The following STXBP2 variants were observed in gnomAD, a reference collection of about 807,000 sequenced individuals.
STXBP2 encodes the protein syntaxin-binding protein 2.
STXBP2 carries 47 observed loss-of-function variants against 72.2 expected under a neutral mutation model. That is an observed-to-expected ratio of 0.65 (90% confidence interval 0.51 to 0.83). The LOEUF is 0.83. Among genes scored for constraint, STXBP2 ranks in the 40% least tolerant of loss-of-function variants. STXBP2 has a pLI of 0.00. For missense variants in STXBP2, 702 were observed against 807.6 expected, an observed-to-expected ratio of 0.87 and a Z score of 1.58; for synonymous variants, 367 against 338.7, an observed-to-expected ratio of 1.08 and a Z score of -0.92.
At chr19:7,630,160 C>T in the STXBP2 span, 1 of 469,548 alleles carries the variant, frequency 2.1e-6, no homozygotes, top group Non-Finnish European at 3.8e-6. Flanking sequence ...TGGGGGAGCT[C>T]TCGGGCTCGT....
chr19:7,637,960 G>A (rs143756757), intron 1 of STXBP2, among the ~76,000 whole-genome samples: 7 of 152,246 alleles, frequency 4.6e-5, no homozygotes, highest in Admixed American at 1.3e-4. Flanking sequence ...AACTGAGACC[G>A]GAGGTCAGTG....
chr19:7,638,906 C>T, intron 2 of STXBP2, 113 bp from the exon 3 acceptor site: 2 of 1,559,192 alleles, frequency 1.3e-6, no homozygotes, highest in Non-Finnish European at 1.8e-6. Flanking sequence ...GTTCTGGGTC[C>T]TCCCACCCAG....
intron 1 of STXBP2, 52 bp downstream of exon 1, chr19:7,637,238 G>A (rs1362275063): frequency 9.7e-6 from 12 of 1,233,422 alleles, no homozygotes; most frequent in East Asian, 3.2e-5. Flanking sequence ...GACGGGGGTC[G>A]GGGACGCACG....
At chr19:7,637,106 C>T, upstream of STXBP2, 1 of 1,237,650 alleles carries the variant, frequency 8.1e-7, no homozygotes, top group Non-Finnish European at 1.0e-6. Flanking sequence ...CACGCCCCCA[C>T]CTTGGGACAC....
At chr19:7,647,659 C>G in intron 18 of STXBP2, 66 bp from the exon 19 acceptor site, 1 of 1,603,396 alleles carries the variant, frequency 6.2e-7, no homozygotes, top group Admixed American at 1.7e-5. Flanking sequence ...CAGCCGGGAC[C>G]GGGAGCCTGT....
chr19:7,631,409 T>TGGGGGGGGGGGGGGGGGGG, the STXBP2 span: 19 of 639,444 alleles, frequency 3.0e-5, no homozygotes, highest in Non-Finnish European at 3.2e-5. Context: ...CGGGGGGGGG[T>TGGGGGGGGGGGGGGGGGGG]GGTCCCGGCT....
Position 7,642,150 on chromosome 19 carries a change from G to A in STXBP2, c.663+32G>A. Reference sequence around the variant, plus strand: ...GGGCGTGCTTGGGAGGTGAGGGGCAGCCCCAACCGGCTCAGGGTCAGTGCC... The same window carrying A: ...GGGCGTGCTTGGGAGGTGAGGGGCAACCCCAACCGGCTCAGGGTCAGTGCC... On this transcript the variant is annotated intron_variant, in intron 8 of 18. Coordinates refer to ENST00000221283, the MANE Select transcript of STXBP2 (RefSeq NM_006949.4). This position sits in a 1 kb window ranked among gnomAD's most constrained non-coding sequence, Gnocchi z 6.0. 1 of 1,614,024 alleles carries A rather than the reference G, an allele frequency of 6.2e-7. No homozygotes were observed. Among genetic ancestry groups the A allele is most frequent in the Non-Finnish European group, 8.5e-7 (1 of 1,179,962 alleles).
rs150786511 is a variant in STXBP2, at chr19:7,647,084, G to C, written c.1453-78G>C. The C allele has an allele frequency of 1.0e-4, 150 of 1,503,844 alleles. No homozygotes were observed. In the East Asian group the frequency reaches 2.9e-3, roughly 29 times the overall value. The allele number at this position is 1,503,844 out of a possible 1,614,324, so 93.2% of individuals were successfully genotyped here. ...CCTGTCTGCCAGGATCTTGGCCCCT[G>C]AATACCCCGTGGGGGGCACTCCTGA... On this transcript the variant is annotated intron_variant, in intron 16 of 18. Coordinates refer to ENST00000221283, the MANE Select transcript of STXBP2 (RefSeq NM_006949.4).
intron 4 of STXBP2, chr19:7,640,422 G>A (rs527465391): frequency 1.4e-4 from 90 of 627,904 alleles, no homozygotes; most frequent in African/African-American, 5.5e-4. Flanking sequence ...GTATGTGTGC[G>A]CGCGCATCTG....
intron 2 of STXBP2, 106 bp from the exon 3 acceptor site, chr19:7,638,913 C>A: frequency 6.4e-7 from 1 of 1,566,468 alleles, no homozygotes; most frequent in Non-Finnish European, 8.8e-7. Flanking sequence ...GTCCTCCCAC[C>A]CAGCCAGCCC....
Position 7,641,992 on chromosome 19 carries a change from C to T in STXBP2, c.579-42C>T, listed in dbSNP as rs757080611. The T allele has an allele frequency of 1.3e-5, 21 of 1,611,898 alleles. No individual in the cohort carries two copies. In the South Asian group the frequency reaches 2.1e-4, roughly 16 times the overall value. ...CTCACCTTCAAACCCATCCTTGACC[C>T]CATCCCCTGATGATGTCCCCCGTGT... On this transcript the variant is annotated intron_variant, in intron 7 of 18. Transcript: ENST00000221283.
chr19:7,647,556 C>T (rs2032188146), intron 18 of STXBP2, 45 bp downstream of exon 18: 2 of 1,570,598 alleles, frequency 1.3e-6, no homozygotes, highest in African/African-American at 1.4e-5. Flanking sequence ...GCTTGGGTTC[C>T]CGGGGCCTGG....
chr19:7,643,807 A>G (rs1344119144), intron 13 of STXBP2, among the ~76,000 whole-genome samples: 98 of 77,586 alleles, frequency 1.3e-3, no homozygotes, highest in South Asian at 3.0e-3. Flanking sequence ...GAGGGGTGGA[A>G]CCTTGGAGGG....
chr19:7,640,270 A>T (rs574902462), intron 4 of STXBP2: 187 of 482,186 alleles, frequency 3.9e-4, no homozygotes, highest in Non-Finnish European at 5.4e-4. Flanking sequence ...GTATGCGTGT[A>T]TATGTATGTG....
rs2031848302 is a variant in STXBP2 at position 7,640,960 on chromosome 19, C to T, written c.386C>T (p.Thr129Met). 1.2e-6 allele frequency: 2 copies of T among 1,614,174 alleles called. No homozygotes were observed. The highest frequency in any genetic ancestry group is 1.7e-6 in the Non-Finnish European group (2 of 1,180,022). Reference protein sequence around the residue: ...GRSRLAKVVKTLKEIHLAFLP... With the variant: ...GRSRLAKVVKMLKEIHLAFLP... Reference sequence around the variant, plus strand: ...TCTCGTCTGGCAAAGGTGGTGAAGACGTTGAAGGAGATTCACCTTGCCTTC... The same window carrying T: ...TCTCGTCTGGCAAAGGTGGTGAAGATGTTGAAGGAGATTCACCTTGCCTTC... Residue 129 changes from threonine (T) to methionine (M), a missense_variant, in exon 6 of 19, where the codon ACG (threonine) becomes ATG (methionine). Transcript: ENST00000221283.
At chr19:7,640,486 A>ATG (rs761652722) in intron 4 of STXBP2, 12 of 632,524 alleles carry the variant, frequency 1.9e-5, no homozygotes, top group Non-Finnish European at 2.6e-5. Context: ...GCATGTGTGT[A>ATG]TGTGTGTGTG....
At chr19:7,631,775 G>A in the STXBP2 span, 1 of 1,418,624 alleles carries the variant, frequency 7.0e-7, no homozygotes, top group Non-Finnish European at 9.2e-7. Flanking sequence ...AGGGGTTGGG[G>A]ACTGAGGGTC....
intron 1 of STXBP2, 142 bp downstream of exon 1, chr19:7,637,328 C>G: frequency 7.6e-4 from 104 of 136,060 alleles, no homozygotes; most frequent in East Asian, 2.3e-3. Flanking sequence ...CTCGAGGGGG[C>G]GGGCGGGGAC....
Position 7,642,091 on chromosome 19 carries a change from C to T in STXBP2, c.636C>T (p.Phe212=). The part of the protein sequence containing the change: ...AHAVLAKLNA[F]KADTPSLGEG... Reference sequence around the variant, plus strand: ...CCGTCCTGGCCAAGCTGAACGCCTTCAAGGCAGACACTCCCAGTCTGGGCG... The same window carrying T: ...CCGTCCTGGCCAAGCTGAACGCCTTTAAGGCAGACACTCCCAGTCTGGGCG... The change falls in exon 8 of 19, where the codon TTC becomes TTT. Residue 212 remains phenylalanine, a synonymous_variant. Coordinates refer to ENST00000221283, the MANE Select transcript of STXBP2 (RefSeq NM_006949.4). The surrounding 1 kb of genome is among the most constrained non-coding windows in gnomAD (Gnocchi z 6.0). 1 of 1,614,106 alleles carries T rather than the reference C, an allele frequency of 6.2e-7. No homozygotes were observed. The highest frequency in any genetic ancestry group is 8.5e-7 in the Non-Finnish European group (1 of 1,180,022).
Sources: gnomAD v4.1 joint callset for allele counts (sites outside exome capture counted in the v4.1 genomes callset) on GRCh38, gnomAD v4.1.1 for gene constraint, Gnocchi (gnomAD v3.1) non-coding constraint, MANE v1.5 for transcripts, NCBI Gene and HGNC (gene_info 2026-07-23, HGNC 2026-07-21) for gene names.